Variants in ERC2 observed in about 807,000 individuals in gnomAD.
ERC2 encodes ELKS/RAB6-interacting/CAST family member 2, also known as ERC protein 2.
In ERC2, 42 loss-of-function variants were observed where a neutral mutation model predicts 114.8. The ratio of observed to expected loss-of-function variants is 0.37; its 90% CI spans 0.29 to 0.47. The LOEUF (loss-of-function observed/expected upper bound fraction) is 0.47. Ranked by LOEUF, ERC2 falls within the 20% of genes least tolerant of loss-of-function variation. The pLI, the probability that ERC2 is intolerant of heterozygous loss-of-function variation, is 0.99. For missense variants in ERC2, 939 were observed against 1,150.7 expected (o/e 0.82, Z 2.66); for synonymous variants, 454 against 425.5 (o/e 1.07, Z -0.82).
intron 13 of ERC2, among the ~76,000 whole-genome samples, chr3:55,948,061 CT>C (rs2067247509): frequency 6.6e-6 from 1 of 152,184 alleles, no homozygotes; most frequent in Non-Finnish European, 1.5e-5. Flanking sequence ...TGTCTATTGC[CT>C]TTTGTGTTCT....
chr3:56,102,699 C>T (rs35859639), intron 6 of ERC2, among the ~76,000 whole-genome samples: 1 of 152,146 alleles, frequency 6.6e-6, no homozygotes, highest in African/African-American at 2.4e-5. Flanking sequence ...AAACTACAAG[C>T]TAAACAAAAA....
intron 14 of ERC2, among the ~76,000 whole-genome samples, chr3:55,876,809 C>T (rs2062870847): frequency 6.6e-6 from 1 of 152,150 alleles, no homozygotes; most frequent in Non-Finnish European, 1.5e-5. Flanking sequence ...GGAGTTCCAT[C>T]CCCTGAGGAT....
intron 17 of ERC2, among the ~76,000 whole-genome samples, chr3:55,675,894 CTTTTCTTTCTTTTTTTTTTTTTTTTTTTT>C (rs1234979207): frequency 1.4e-5 from 1 of 70,474 alleles, no homozygotes; most frequent in Admixed American, 1.7e-4. Flanking sequence ...CTTTCTTTCT[CTTTTCTTTCTTTTTTTTTTTTTTTTTTTT>C]TTTTTTTTTT....
chr3:55,516,805 G>A (rs189403328), intron 17 of ERC2, among the ~76,000 whole-genome samples: 142 of 152,274 alleles, frequency 9.3e-4, no homozygotes, highest in Non-Finnish European at 1.6e-3. Flanking sequence ...ATTATTAACA[G>A]GTACCATTTG....
intron 14 of ERC2, among the ~76,000 whole-genome samples, chr3:55,834,915 G>T (rs2060801076): frequency 6.7e-6 from 1 of 149,744 alleles, no homozygotes; most frequent in African/African-American, 2.5e-5. Context: ...TGATCAAGGG[G>T]ATATCACCAC....
chr3:56,111,321 C>T lies in ERC2; in HGVS notation c.1473+28188G>A, dbSNP rs541665265. Among the ~76,000 whole-genome samples the T allele has an allele frequency of 2.7e-5, 4 of 147,062 alleles. No individual in the cohort carries two copies. The East Asian group carries it at 8.1e-4, about 30-fold the overall frequency. Reference sequence around the variant, plus strand: ...CCTCTTTCTCTCTCTCCCTCTTTCTCTCTCTCTCTCTCAATCTCTCTCCCT... The same window carrying T: ...CCTCTTTCTCTCTCTCCCTCTTTCTTTCTCTCTCTCTCAATCTCTCTCCCT... On this transcript the variant is annotated intron_variant, in intron 6 of 17. Coordinates refer to ENST00000288221, the MANE Select transcript of ERC2 (RefSeq NM_015576.3).
chr3:55,803,548 G>C (rs1253663675), intron 14 of ERC2, among the ~76,000 whole-genome samples: 1 of 150,640 alleles, frequency 6.6e-6, no homozygotes, highest in Non-Finnish European at 1.5e-5. Flanking sequence ...TTTTGTAAAG[G>C]CATCATTTTT....
chr3:55,924,323 A>G (rs1304797468), intron 13 of ERC2, among the ~76,000 whole-genome samples: 3 of 152,048 alleles, frequency 2.0e-5, no homozygotes, highest in African/African-American at 4.8e-5. Context: ...ATTCTTTCCT[A>G]TGAAAACAGC....
At chr3:55,846,148 A>G (rs556465234) in intron 14 of ERC2, among the ~76,000 whole-genome samples, 1 of 152,208 alleles carries the variant, frequency 6.6e-6, no homozygotes, top group South Asian at 2.1e-4. Context: ...CCCTCATCCT[A>G]CACTTTACCT....
At chr3:56,452,458 A>G (rs910756674) in intron 1 of ERC2, among the ~76,000 whole-genome samples, 1 of 152,256 alleles carries the variant, frequency 6.6e-6, no homozygotes, top group Non-Finnish European at 1.5e-5. Flanking sequence ...AATTAATGTT[A>G]TGAATTTGAA....
chr3:55,703,327 T>C (rs2063321842), intron 15 of ERC2, among the ~76,000 whole-genome samples: 1 of 152,192 alleles, frequency 6.6e-6, no homozygotes, highest in Non-Finnish European at 1.5e-5. Flanking sequence ...TGTCCCAGCC[T>C]TGGGACATGC....
intron 7 of ERC2, among the ~76,000 whole-genome samples, chr3:56,071,791 G>T (rs2076752199): frequency 6.6e-6 from 1 of 152,198 alleles, no homozygotes; most frequent in South Asian, 2.1e-4. Flanking sequence ...GGAGGCTACT[G>T]AATTTGTTGC....
chr3:55,711,573 T>G (rs1322931196), intron 15 of ERC2, among the ~76,000 whole-genome samples: 1 of 152,244 alleles, frequency 6.6e-6, no homozygotes, highest in East Asian at 1.9e-4. Context: ...TCTATTGATG[T>G]GTTCAAATAG....
In ERC2 at chr3:55,785,294, G is replaced by A. The variant is rs959238113; in HGVS notation, c.2565-50376C>T. 3.3e-5 allele frequency among the ~76,000 whole-genome samples: 5 copies of A among 152,184 alleles called. No individual in the cohort carries two copies. In the East Asian group the frequency reaches 9.6e-4, roughly 29 times the overall value. ...AAATATGGGTTTGACAAATTAACCA[G>A]CACCATCCTTTGATTTCTCACTAAG... is the stretch of plus-strand genomic sequence containing the variant. On this transcript the variant is annotated intron_variant, in intron 14 of 17. Transcript: ENST00000288221.
At chr3:56,215,822 A>G (rs1049819122) in intron 3 of ERC2, among the ~76,000 whole-genome samples, 1 of 152,228 alleles carries the variant, frequency 6.6e-6, no homozygotes, top group Non-Finnish European at 1.5e-5. Flanking sequence ...TCAAACTAGA[A>G]CTCAGGATTA....
intron 17 of ERC2, among the ~76,000 whole-genome samples, chr3:55,552,917 G>A (rs1037935634): frequency 6.7e-6 from 1 of 149,898 alleles, no homozygotes; most frequent in Non-Finnish European, 1.5e-5. Flanking sequence ...TTGAGTTGTT[G>A]AGTAATTGGT....
chr3:56,082,431 C>T (rs1038405887), intron 6 of ERC2, among the ~76,000 whole-genome samples: 6 of 152,050 alleles, frequency 3.9e-5, no homozygotes, highest in Non-Finnish European at 8.8e-5. Flanking sequence ...AACTGTAAGA[C>T]ATAAATTTCT....
chr3:56,201,411 A>T (rs2048399423), intron 3 of ERC2, among the ~76,000 whole-genome samples: 2 of 152,258 alleles, frequency 1.3e-5, no homozygotes, highest in Admixed American at 1.3e-4. Flanking sequence ...GAAGAACTGT[A>T]TGGAAACCAA....
intron 14 of ERC2, among the ~76,000 whole-genome samples, chr3:55,851,736 C>G (rs2061581076): frequency 6.6e-6 from 1 of 151,708 alleles, no homozygotes; most frequent in South Asian, 2.1e-4. Flanking sequence ...TTAGAGTTGA[C>G]CACAACAAAA....
Sources: gnomAD v4.1 joint callset for allele counts (sites outside exome capture counted in the v4.1 genomes callset) on GRCh38, gnomAD v4.1.1 for gene constraint, MANE v1.5 for transcripts, NCBI Gene and HGNC (gene_info 2026-07-23, HGNC 2026-07-21) for gene names.